DIAPH3: variants seen among roughly 807,000 people sequenced by gnomAD.
The protein encoded by DIAPH3 is diaphanous related formin 3.
DIAPH3 carries 117 observed loss-of-function variants against 144.3 expected under a neutral mutation model. The ratio of observed to expected loss-of-function variants is 0.81; its 90% CI spans 0.70 to 0.95. The LOEUF is 0.95. Among genes scored for constraint, DIAPH3 ranks in the 40% least tolerant of loss-of-function variants. The probability of loss-of-function intolerance (pLI) is 0.00; values close to 1 mark genes in which losing one functional copy is unlikely to be tolerated. For missense variants in DIAPH3, 1,421 were observed against 1,412.7 expected (o/e 1.01, Z -0.09); for synonymous variants, 519 against 488.9 (o/e 1.06, Z -0.81).
intron 17 of DIAPH3, among the ~76,000 whole-genome samples, chr13:59,931,647 T>C (rs913952782): frequency 2.6e-5 from 4 of 152,174 alleles, no homozygotes; most frequent in Admixed American, 2.6e-4. Flanking sequence ...TGGATGGACA[T>C]ACATGTGGTC....
chr13:59,977,685 GA>G (rs1170525844), intron 14 of DIAPH3, among the ~76,000 whole-genome samples: 2 of 151,634 alleles, frequency 1.3e-5, no homozygotes, highest in African/African-American at 2.4e-5. Context: ...AATGAAAAAA[GA>G]CTACAGAATC....
chr13:59,971,182 G>A (rs1329643832), intron 15 of DIAPH3, 22 bp from the exon 16 acceptor site: 6 of 1,552,620 alleles, frequency 3.9e-6, no homozygotes, highest in South Asian at 1.2e-5. Flanking sequence ...AACAATAAGA[G>A]ACATAACTAA....
intron 14 of DIAPH3, among the ~76,000 whole-genome samples, chr13:59,976,469 T>G (rs1413329988): frequency 6.6e-6 from 1 of 151,248 alleles, no homozygotes; most frequent in Admixed American, 6.6e-5. Flanking sequence ...ATGACTACCA[T>G]GCAGAACAAT....
chr13:60,053,710 T>C (rs1278757710), intron 4 of DIAPH3, among the ~76,000 whole-genome samples: 1 of 152,104 alleles, frequency 6.6e-6, no homozygotes, highest in Non-Finnish European at 1.5e-5. Flanking sequence ...CACTATTCTA[T>C]CTCATTGTTT....
chr13:59,694,063 T>C (rs958997835), intron 27 of DIAPH3, among the ~76,000 whole-genome samples: 20 of 152,200 alleles, frequency 1.3e-4, no homozygotes, highest in African/African-American at 4.6e-4. Context: ...CACTTTCAAT[T>C]TGTCTACCAT....
intron 4 of DIAPH3, among the ~76,000 whole-genome samples, chr13:60,060,981 C>A (rs2056746791): frequency 6.6e-6 from 1 of 151,942 alleles, no homozygotes; most frequent in Admixed American, 6.6e-5. Flanking sequence ...AAAATTCTGC[C>A]CATGAGGTGC....
chr13:60,039,272 GA>G (rs2055457420), intron 5 of DIAPH3, among the ~76,000 whole-genome samples: 1 of 151,186 alleles, frequency 6.6e-6, no homozygotes, highest in African/African-American at 2.4e-5. Context: ...AGCTAATTGG[GA>G]GTACAGAGGA....
chr13:59,947,665 G>A (rs1166025475), intron 17 of DIAPH3, among the ~76,000 whole-genome samples: 5 of 151,858 alleles, frequency 3.3e-5, no homozygotes, highest in South Asian at 4.2e-4. Context: ...CCCCGGATGC[G>A]GAGGATGCAG....
intron 1 of DIAPH3, among the ~76,000 whole-genome samples, chr13:60,159,368 G>A (rs918664972): frequency 6.6e-6 from 1 of 152,186 alleles, no homozygotes; most frequent in Non-Finnish European, 1.5e-5. Flanking sequence ...GCTCACGCCT[G>A]TAATCCCAGC....
intron 22 of DIAPH3, among the ~76,000 whole-genome samples, chr13:59,851,665 C>T (rs924913775): frequency 3.0e-5 from 4 of 131,956 alleles, no homozygotes; most frequent in Non-Finnish European, 4.7e-5. Context: ...TTTGAGACAG[C>T]GTTTCGCTCT....
At chr13:60,065,251 A>AT (rs1172988437) in intron 4 of DIAPH3, among the ~76,000 whole-genome samples, 2 of 93,984 alleles carry the variant, frequency 2.1e-5, no homozygotes, top group Admixed American at 2.7e-4. Flanking sequence ...CCTTTAATTT[A>AT]TTAAAAAAAA....
chr13:59,846,057 T>C (rs1442248374), intron 22 of DIAPH3, among the ~76,000 whole-genome samples: 1 of 152,192 alleles, frequency 6.6e-6, no homozygotes. Flanking sequence ...AGTGTCTTAT[T>C]ATTATGATAA....
Position 59,970,986 on chromosome 13 carries a change from G to A in DIAPH3, c.1825C>T (p.Pro609Ser), listed in dbSNP as rs778580569. ...LPGMRMPFSG[P>S]VPPPPPLGFL... ...CCCAGGGGAGGTGGTGGAGGCACAG[G>A]ACCACTGAATGGCATCCGCATTCCT... The change falls in exon 16 of 28, where the codon CCT becomes TCT. Residue 609 changes from proline to serine, a missense_variant. Pro to Ser is a moderately conservative substitution (Grantham distance 74). Transcript: ENST00000400324. The A allele has an allele frequency of 7.4e-6, 12 of 1,613,588 alleles. No individual in the cohort carries two copies. The Admixed American group carries it at 2.0e-4, about 27-fold the overall frequency.
At chr13:60,034,680 C>A (rs1055736931) in intron 5 of DIAPH3, 1 of 152,178 alleles carries the variant, frequency 6.6e-6, no homozygotes, top group African/African-American at 2.4e-5. Context: ...TGTACCACAG[C>A]CCAGAATTCC....
At chr13:60,120,788 T>G (rs2058825926) in intron 2 of DIAPH3, among the ~76,000 whole-genome samples, 1 of 152,078 alleles carries the variant, frequency 6.6e-6, no homozygotes, top group African/African-American at 2.4e-5. Context: ...AAATAGATAC[T>G]CCAGCCCCAT....
intron 12 of DIAPH3, among the ~76,000 whole-genome samples, chr13:59,984,370 T>C (rs1158858198): frequency 6.6e-6 from 1 of 151,770 alleles, no homozygotes; most frequent in Non-Finnish European, 1.5e-5. Flanking sequence ...CTGTAAGTTA[T>C]ATATAATATC....
intron 4 of DIAPH3, among the ~76,000 whole-genome samples, chr13:60,061,351 A>G (rs2056764077): frequency 6.6e-6 from 1 of 152,120 alleles, no homozygotes; most frequent in South Asian, 2.1e-4. Context: ...CCCATGGACA[A>G]TAGGATGGAA....
At chr13:59,839,726 C>T (rs2042237491) in intron 22 of DIAPH3, among the ~76,000 whole-genome samples, 1 of 152,068 alleles carries the variant, frequency 6.6e-6, no homozygotes, top group Admixed American at 6.6e-5. Context: ...AATTCTTGAC[C>T]ATTGGAAATA....
intron 27 of DIAPH3, among the ~76,000 whole-genome samples, chr13:59,693,159 G>A (rs1008918571): frequency 1.3e-5 from 2 of 152,198 alleles, no homozygotes; most frequent in African/African-American, 4.8e-5. Context: ...AGGGAACAGC[G>A]TGAAGGCCTC....
Sources: gnomAD v4.1 joint callset for allele counts (sites outside exome capture counted in the v4.1 genomes callset) on GRCh38, gnomAD v4.1.1 for gene constraint, MANE v1.5 for transcripts, NCBI Gene and HGNC (gene_info 2026-07-23, HGNC 2026-07-21) for gene names.